COL4A3: variants seen among roughly 807,000 people sequenced by gnomAD.
The protein encoded by COL4A3 is collagen alpha-3(IV) chain.
COL4A3 carries 135 observed loss-of-function variants against 217.4 expected under a neutral mutation model. That is an observed-to-expected ratio of 0.62 (90% CI 0.54 to 0.72). The LOEUF (loss-of-function observed/expected upper bound fraction) is 0.72, where lower values mean the gene tolerates loss of function less well. Ranked by LOEUF, COL4A3 falls within the 30% of genes least tolerant of loss-of-function variation. COL4A3 has a pLI of 0.00. For missense variants in COL4A3, 1,868 were observed against 2,119.9 expected (o/e 0.88, Z 2.33); for synonymous variants, 690 against 736.3 (o/e 0.94, Z 1.02).
Position 227,193,743 on chromosome 2 carries a change from GGGAGGGAAGGAAGGAAGGAA to G in COL4A3, c.87+28934_87+28953del, listed in dbSNP as rs2066334873. On this transcript the variant is annotated intron_variant, in intron 1 of 51. Transcript: ENST00000396578. ...AAAGAAAGAAGGAAGGAGGGAGGGA[GGGAGGGAAGGAAGGAAGGAA>G]GGAAGGAAGGAAGGAAGGAAGGAAG... 1.1e-4 allele frequency among the ~76,000 whole-genome samples: 3 copies of G among 27,316 alleles called. 1 individual carries two copies. The highest frequency in any genetic ancestry group is 3.6e-3 in the South Asian group (2 of 562). 17.9% of individuals were successfully genotyped at this position (27,316 alleles called of 152,430 possible). A position where few individuals can be genotyped will look rare whatever the true frequency, so the allele number is the denominator to read the frequency against.
Sources: allele counts gnomAD v4.1 joint callset (sites outside exome capture counted in the v4.1 genomes callset), GRCh38; gene constraint gnomAD v4.1.1; transcripts MANE v1.5; gene names NCBI Gene and HGNC (gene_info 2026-07-23, HGNC 2026-07-21).